ANO4: variants seen among roughly 807,000 people sequenced by gnomAD.
The protein encoded by ANO4 is anoctamin 4.
A neutral mutation model predicts 141.9 loss-of-function variants in ANO4; 69 were observed. That is an observed-to-expected ratio of 0.49 (90% CI 0.40 to 0.59). The LOEUF is 0.59. ANO4 is among the 20% of genes least tolerant of loss of function. The probability of loss-of-function intolerance (pLI) is 0.00; values close to 1 mark genes in which losing one functional copy is unlikely to be tolerated. For missense variants in ANO4, 894 were observed against 1,162.2 expected (o/e 0.77, Z 3.36); for synonymous variants, 350 against 394.3 (o/e 0.89, Z 1.33).
intron 21 of ANO4, among the ~76,000 whole-genome samples, chr12:101,098,874 GT>G (rs2050086588): frequency 6.6e-6 from 1 of 152,052 alleles, no homozygotes. Flanking sequence ...CATGTGTTTT[GT>G]TTTTTGGCCC....
intron 1 of ANO4, among the ~76,000 whole-genome samples, chr12:100,818,016 A>G (rs2035829082): frequency 6.6e-6 from 1 of 151,832 alleles, no homozygotes; most frequent in African/African-American, 2.4e-5. Context: ...ATTTCATTAA[A>G]GATTTCATGA....
chr12:101,020,417 A>G (rs941706004), intron 9 of ANO4, among the ~76,000 whole-genome samples: 6 of 152,196 alleles, frequency 3.9e-5, no homozygotes, highest in Admixed American at 6.5e-5. Flanking sequence ...TGTTGGGGAG[A>G]TATGCATAGT....
At chr12:100,722,410 C>T (rs2030907227) in intron 1 of ANO4, among the ~76,000 whole-genome samples, 1 of 151,972 alleles carries the variant, frequency 6.6e-6, no homozygotes, top group South Asian at 2.1e-4. Context: ...AACTTCCTGC[C>T]CTTCTCTCTT....
intron 1 of ANO4, among the ~76,000 whole-genome samples, chr12:100,726,491 T>C (rs566667249): frequency 6.6e-6 from 1 of 152,360 alleles, no homozygotes; most frequent in South Asian, 2.1e-4. Flanking sequence ...AGAGTTTTGC[T>C]TATGGGCCTT....
intron 1 of ANO4, among the ~76,000 whole-genome samples, chr12:100,802,248 GAA>G (rs1813250362): frequency 6.6e-6 from 1 of 152,184 alleles, no homozygotes. Flanking sequence ...TATTTACAAG[GAA>G]TACAGTTGTT....
rs868314489 is a variant in ANO4 at position 101,116,720 on chromosome 12, G to A, written c.2492G>A (p.Arg831Gln). The A allele has an allele frequency of 4.3e-6, 7 of 1,614,076 alleles. No homozygotes were observed. Among genetic ancestry groups the A allele is most frequent in the Middle Eastern group, 1.6e-4 (1 of 6,062 alleles). ...GTGAATGCCAGCTTGTCTGTATTTC[G>A]AATTTCTGACTTTGAGAACCGATCT... ...GYVNASLSVF[R>Q]ISDFENRSEP... The change falls in exon 25 of 28, where the codon CGA becomes CAA. Residue 831 changes from arginine to glutamine, a missense_variant. Coordinates refer to ENST00000392977, the MANE Select transcript of ANO4 (RefSeq NM_001286615.2).
At chr12:100,985,924 A>C (rs35932576) in intron 7 of ANO4, among the ~76,000 whole-genome samples, 8,542 of 152,292 alleles carry the variant, frequency 0.056, 320 homozygotes, top group Middle Eastern at 0.11. Context: ...GGGCTAAAGG[A>C]TGCCCAGATA....
chr12:101,118,101 T>C (rs1268041970), intron 25 of ANO4, among the ~76,000 whole-genome samples: 1 of 152,128 alleles, frequency 6.6e-6, no homozygotes, highest in Middle Eastern at 3.2e-3. Flanking sequence ...ATTGATACTT[T>C]CTTCAGTAGA....
At chr12:100,994,226 G>A (rs183274598) in intron 8 of ANO4, among the ~76,000 whole-genome samples, 115 of 152,202 alleles carry the variant, frequency 7.6e-4, no homozygotes, top group African/African-American at 2.6e-3. Flanking sequence ...TTTAGGCAGG[G>A]CCACCCATTC....
chr12:101,108,302 G>T (rs1381466739), intron 22 of ANO4, among the ~76,000 whole-genome samples: 4 of 152,168 alleles, frequency 2.6e-5, no homozygotes, highest in Admixed American at 6.5e-5. Context: ...CACTAAGTGT[G>T]AATGTGACCA....
chr12:101,106,484 T>G (rs1256410572), intron 22 of ANO4, among the ~76,000 whole-genome samples: 1 of 151,386 alleles, frequency 6.6e-6, no homozygotes, highest in Admixed American at 6.6e-5. Context: ...AATAATGATA[T>G]TATGTAAAGT....
intron 1 of ANO4, among the ~76,000 whole-genome samples, chr12:100,823,736 C>T (rs929933992): frequency 6.6e-6 from 1 of 152,008 alleles, no homozygotes; most frequent in African/African-American, 2.4e-5. Flanking sequence ...AAACCACAAT[C>T]TTCAAATAAT....
chr12:100,733,715 T>C, intron 1 of ANO4: 1 of 669,662 alleles, frequency 1.5e-6, no homozygotes, highest in Non-Finnish European at 2.7e-6. Context: ...ATATTTACAT[T>C]GTGGTCATGG....
upstream of ANO4, among the ~76,000 whole-genome samples, chr12:100,789,899 T>A (rs1482399716): frequency 6.6e-6 from 1 of 152,224 alleles, no homozygotes; most frequent in East Asian, 1.9e-4. Context: ...TAAAAGGTAC[T>A]AATTTAGCAC....
At chr12:100,750,555 G>T (rs541218474) in intron 3 of ANO4, among the ~76,000 whole-genome samples, 8 of 152,086 alleles carry the variant, frequency 5.3e-5, no homozygotes, top group African/African-American at 1.4e-4. Flanking sequence ...AATAATTTGT[G>T]GTCACTAACA....
chr12:100,744,735 A>G (rs2032026339), intron 3 of ANO4, among the ~76,000 whole-genome samples: 1 of 152,186 alleles, frequency 6.6e-6, no homozygotes. Context: ...TGTCTATTTT[A>G]GAAATATTGC....
chr12:100,821,088 A>G (rs2036025667), intron 1 of ANO4, among the ~76,000 whole-genome samples: 1 of 152,042 alleles, frequency 6.6e-6, no homozygotes, highest in South Asian at 2.1e-4. Context: ...TATATTTTGG[A>G]TTGGCTCACG....
At chr12:100,775,486 A>T (rs561838032) in intron 3 of ANO4, among the ~76,000 whole-genome samples, 15 of 152,330 alleles carry the variant, frequency 9.8e-5, no homozygotes, top group African/African-American at 2.9e-4. Context: ...TGGTTGGGGA[A>T]CAGTGTTATC....
At chr12:101,108,108 T>G (rs2050519390) in intron 22 of ANO4, among the ~76,000 whole-genome samples, 1 of 152,062 alleles carries the variant, frequency 6.6e-6, no homozygotes. Flanking sequence ...AACTGGAAAT[T>G]CCCTGAAAAG....
Sources: allele counts gnomAD v4.1 joint callset (sites outside exome capture counted in the v4.1 genomes callset), GRCh38; gene constraint gnomAD v4.1.1; transcripts MANE v1.5; gene names NCBI Gene and HGNC (gene_info 2026-07-23, HGNC 2026-07-21).